The following FBXO25 variants were observed in gnomAD, a reference collection of about 807,000 sequenced individuals.
FBXO25 encodes F-box only protein 25.
In FBXO25, 45 loss-of-function variants were observed where a neutral mutation model predicts 51.9. The observed-to-expected ratio is 0.87, with a 90% CI of 0.68 to 1.11. The LOEUF (loss-of-function observed/expected upper bound fraction) is 1.11. FBXO25 is among the 50% of genes most tolerant of loss of function. The pLI is 0.00. For synonymous variants in FBXO25, 199 were observed against 151.0 expected (o/e 1.32, Z -2.33); for missense variants, 507 against 428.5 (o/e 1.18, Z -1.62).
rs913643838 is a variant in FBXO25 at position 433,734 on chromosome 8, C to T, written c.288+799C>T. ...AATAATTTAGGGAATTACTGTCTAT[C>T]GTATGTTATTTCAGGGTAAGTTAAA... On this transcript the variant is annotated intron_variant, in intron 4 of 9. Transcript: ENST00000350302. 2.6e-5 allele frequency among the ~76,000 whole-genome samples: 4 copies of T among 152,098 alleles called. No individual in the cohort carries two copies. The East Asian group carries it at 7.7e-4, about 29-fold the overall frequency.
chr8:439,887 G>C (rs530133116), intron 5 of FBXO25, among the ~76,000 whole-genome samples: 1 of 152,214 alleles, frequency 6.6e-6, no homozygotes, highest in Non-Finnish European at 1.5e-5. Flanking sequence ...GGGCAACATA[G>C]GGAGACCCTG....
chr8:454,441 T>G (rs1799288691), intron 7 of FBXO25, among the ~76,000 whole-genome samples: 1 of 152,136 alleles, frequency 6.6e-6, no homozygotes, highest in African/African-American at 2.4e-5. Context: ...GTGGGACACA[T>G]GGATCAGCAG....
At chr8:460,150 C>T (rs925917431) in intron 8 of FBXO25, among the ~76,000 whole-genome samples, 5 of 152,136 alleles carry the variant, frequency 3.3e-5, no homozygotes, top group African/African-American at 9.7e-5. Flanking sequence ...CTCCCTATCA[C>T]GTGCAGGCCC....
intron 2 of FBXO25, among the ~76,000 whole-genome samples, chr8:430,338 T>A (rs1411200933): frequency 6.6e-6 from 1 of 152,230 alleles, no homozygotes; most frequent in South Asian, 2.1e-4. Flanking sequence ...CAGTTGTTTG[T>A]ATGTTTTTCA....
chr8:467,561 G>A (rs1660325657), intron 9 of FBXO25, among the ~76,000 whole-genome samples: 2 of 152,166 alleles, frequency 1.3e-5, no homozygotes, highest in Admixed American at 1.3e-4. Flanking sequence ...ACCTTGTACT[G>A]TCCAAATTTA....
chr8:416,694 G>C (rs1159789425), intron 2 of FBXO25, among the ~76,000 whole-genome samples: 4 of 152,190 alleles, frequency 2.6e-5, no homozygotes, highest in Non-Finnish European at 4.4e-5. Context: ...CCAGGAGCCA[G>C]ACTTAGAGAT....
chr8:435,494 C>G, intron 4 of FBXO25, 121 bp from the exon 5 acceptor site: 3 of 1,069,800 alleles, frequency 2.8e-6, no homozygotes, highest in South Asian at 1.6e-5. Context: ...TAAAATCAGT[C>G]TTCAAAATAA....
At chr8:412,830 G>A (rs949225481) in intron 1 of FBXO25, among the ~76,000 whole-genome samples, 5 of 152,086 alleles carry the variant, frequency 3.3e-5, no homozygotes, top group African/African-American at 1.2e-4. Context: ...TGTCACCTCT[G>A]GTAAACCTTT....
chr8:428,936 C>T (rs1025415372), intron 2 of FBXO25, among the ~76,000 whole-genome samples: 1 of 152,204 alleles, frequency 6.6e-6, no homozygotes, highest in Non-Finnish European at 1.5e-5. Flanking sequence ...CTTATCTATT[C>T]ATCCACTGAT....
At chr8:415,650 A>G (rs1017016785) in intron 2 of FBXO25, among the ~76,000 whole-genome samples, 1 of 152,146 alleles carries the variant, frequency 6.6e-6, no homozygotes, top group Non-Finnish European at 1.5e-5. Context: ...AGAGTGAGTC[A>G]CATATTGATT....
At chr8:436,045 A>G (rs1050437824) in intron 5 of FBXO25, among the ~76,000 whole-genome samples, 2 of 152,380 alleles carry the variant, frequency 1.3e-5, no homozygotes, top group African/African-American at 2.4e-5. Flanking sequence ...TGGGATCTTT[A>G]CCTGATGATT....
intron 8 of FBXO25, among the ~76,000 whole-genome samples, chr8:459,579 A>G (rs1799674119): frequency 6.6e-6 from 1 of 152,200 alleles, no homozygotes; most frequent in Non-Finnish European, 1.5e-5. Flanking sequence ...CTGCCTCAGG[A>G]AAATAAGAGT....
chr8:455,144 T>G (rs555208315), intron 7 of FBXO25, among the ~76,000 whole-genome samples: 6 of 152,150 alleles, frequency 3.9e-5, no homozygotes, highest in Non-Finnish European at 8.8e-5. Flanking sequence ...AAGTGTGTTA[T>G]GCCAAATGTG....
rs1158278656 is a variant in FBXO25, at chr8:477,277, C to T, written c.*8473C>T. The T allele has an allele frequency of 6.6e-6, 1 of 152,210 alleles. No homozygotes were observed. Among genetic ancestry groups the T allele is most frequent in the Non-Finnish European group, 1.5e-5 (1 of 68,064 alleles). 9.4% of individuals were successfully genotyped at this position (152,210 alleles called of 1,614,324 possible). ...CTGCTGTTGTGTCTGTTAGGTCCAG[C>T]TGGTATGATGCTGTTCAAGTTCTGT... is the stretch of plus-strand genomic sequence containing the variant. On this transcript the variant is annotated 3_prime_UTR_variant, in exon 10 of 10. Transcript: ENST00000350302.
intron 4 of FBXO25, among the ~76,000 whole-genome samples, chr8:433,659 TTA>T (rs1480806793): frequency 6.6e-6 from 1 of 152,200 alleles, no homozygotes; most frequent in African/African-American, 2.4e-5. Context: ...TGAGTTCCTT[TTA>T]TAGGCCTAGA....
chr8:416,173 C>G (rs1403507930), intron 2 of FBXO25, among the ~76,000 whole-genome samples: 1 of 152,348 alleles, frequency 6.6e-6, no homozygotes, highest in Middle Eastern at 3.4e-3. Flanking sequence ...CGGTAGGGCC[C>G]CCATGCGGCC....
chr8:470,276 T>C lies in FBXO25; in HGVS notation c.*1472T>C, dbSNP rs17665621. On this transcript the variant is annotated 3_prime_UTR_variant, in exon 10 of 10. Coordinates refer to ENST00000350302, the MANE Select transcript of FBXO25 (RefSeq NM_183420.2). ...AATGTGGCCGTCTCCTTACAACCACTGGTAGTACAGCCAACATCATGAGTC... is the reference window on the plus strand; with the variant it reads ...AATGTGGCCGTCTCCTTACAACCACCGGTAGTACAGCCAACATCATGAGTC... 0.5 allele frequency: 75,524 copies of C among 152,028 alleles called. 21,146 individuals carry two copies. The highest frequency in any genetic ancestry group is 0.76 in the African/African-American group (31,558 of 41,474). The allele number at this position is 152,028 out of a possible 1,614,324, so 9.4% of individuals were successfully genotyped here. A position where few individuals can be genotyped will look rare whatever the true frequency, so the allele number is the denominator to read the frequency against.
chr8:452,362 A>G (rs1799150507), intron 7 of FBXO25, among the ~76,000 whole-genome samples: 1 of 152,226 alleles, frequency 6.6e-6, no homozygotes, highest in Non-Finnish European at 1.5e-5. Flanking sequence ...GTGTGACCCT[A>G]CAGTCATTCA....
intron 8 of FBXO25, among the ~76,000 whole-genome samples, chr8:461,127 T>G (rs1799781581): frequency 1.3e-5 from 2 of 152,206 alleles, no homozygotes; most frequent in Admixed American, 1.3e-4. Context: ...CACATTAATT[T>G]CGCTAGCTCT....
Sources: allele counts gnomAD v4.1 joint callset (sites outside exome capture counted in the v4.1 genomes callset), GRCh38; gene constraint gnomAD v4.1.1; transcripts MANE v1.5; gene names NCBI Gene and HGNC (gene_info 2026-07-23, HGNC 2026-07-21).